KCNN2: variants seen among roughly 807,000 people sequenced by gnomAD.
KCNN2 encodes small conductance calcium-activated potassium channel protein 2.
KCNN2 carries 24 observed loss-of-function variants against 55.5 expected under a neutral mutation model. The observed-to-expected ratio is 0.43, with a 90% CI of 0.31 to 0.61. The LOEUF is 0.61. Among genes scored for constraint, KCNN2 ranks in the 20% least tolerant of loss-of-function variants. The probability of loss-of-function intolerance (pLI) is 0.08; values close to 1 mark genes in which losing one functional copy is unlikely to be tolerated. For synonymous variants in KCNN2, 431 were observed against 336.1 expected (o/e 1.28, Z -3.09); for missense variants, 754 against 853.6 (o/e 0.88, Z 1.45).
intron 2 of KCNN2, among the ~76,000 whole-genome samples, chr5:114,297,132 T>A (rs1756029048): frequency 6.6e-6 from 1 of 152,152 alleles, no homozygotes; most frequent in African/African-American, 2.4e-5. Context: ...CAGGTATTAA[T>A]TTTACTATTC....
At chr5:114,145,571 C>G (rs957909362) in intron 1 of KCNN2, among the ~76,000 whole-genome samples, 12 of 152,024 alleles carry the variant, frequency 7.9e-5, no homozygotes, top group Non-Finnish European at 1.5e-4. Context: ...TTAGTGGGTC[C>G]CAGGAACAAA....
chr5:114,134,924 T>C (rs1050475924), intron 1 of KCNN2, among the ~76,000 whole-genome samples: 1 of 152,216 alleles, frequency 6.6e-6, no homozygotes, highest in African/African-American at 2.4e-5. Flanking sequence ...AATTTAAAGA[T>C]TCTGTTTAAA....
intron 2 of KCNN2, among the ~76,000 whole-genome samples, chr5:114,257,928 TG>T (rs1384285964): frequency 6.6e-6 from 1 of 152,174 alleles, no homozygotes; most frequent in African/African-American, 2.4e-5. Context: ...CCAATTCTTA[TG>T]GGGAATGCTT....
rs140294715 is a variant in KCNN2, at chr5:114,324,443, G to A, written c.-184-36502G>A. Among the ~76,000 whole-genome samples, 18 of 152,234 alleles carry A rather than the reference G, an allele frequency of 1.2e-4. No homozygotes were observed. In the East Asian group the frequency reaches 3.3e-3, roughly 28 times the overall value. On this transcript the variant is annotated intron_variant, in intron 2 of 10. Transcript: ENST00000512097. ...AAAAGCAGATGTGACTATGGAAGAA[G>A]GGAAAAAATGATGTCATCTTGCAGG...
At chr5:114,480,974 A>C (rs1218791246) in intron 5 of KCNN2, among the ~76,000 whole-genome samples, 2 of 152,200 alleles carry the variant, frequency 1.3e-5, no homozygotes, top group Non-Finnish European at 2.9e-5. Flanking sequence ...GCCCTCTCTC[A>C]CCACTCCTAT....
intron 2 of KCNN2, among the ~76,000 whole-genome samples, chr5:114,280,461 T>G (rs1467151678): frequency 6.6e-6 from 1 of 152,214 alleles, no homozygotes; most frequent in Non-Finnish European, 1.5e-5. Flanking sequence ...TTAATCCATC[T>G]TGAATTAATT....
chr5:114,259,872 A>G (rs1027765273), intron 2 of KCNN2, among the ~76,000 whole-genome samples: 1 of 152,096 alleles, frequency 6.6e-6, no homozygotes, highest in African/African-American at 2.4e-5. Flanking sequence ...AGGCTATTCA[A>G]CTTATGATTA....
At chr5:114,456,769 A>C (rs970783195) in intron 3 of KCNN2, among the ~76,000 whole-genome samples, 1 of 152,236 alleles carries the variant, frequency 6.6e-6, no homozygotes, top group Non-Finnish European at 1.5e-5. Context: ...TTCAAATTTC[A>C]ACAGAAGAAG....
chr5:114,381,301 G>C (rs1758118347), intron 2 of KCNN2, among the ~76,000 whole-genome samples: 1 of 152,202 alleles, frequency 6.6e-6, no homozygotes, highest in African/African-American at 2.4e-5. Flanking sequence ...AGTACAGTCA[G>C]AGATCATTGG....
chr5:114,116,963 G>A (rs952031530), intron 1 of KCNN2, among the ~76,000 whole-genome samples: 1 of 152,218 alleles, frequency 6.6e-6, no homozygotes, highest in South Asian at 2.1e-4. Flanking sequence ...AGTCAGACAG[G>A]TCTTGTTTGA....
intron 5 of KCNN2, among the ~76,000 whole-genome samples, chr5:114,477,635 CA>C (rs769845643): frequency 3.3e-5 from 5 of 152,094 alleles, no homozygotes; most frequent in South Asian, 2.1e-4. Flanking sequence ...TATCACCTTA[CA>C]GGGGCAATAT....
intron 2 of KCNN2, among the ~76,000 whole-genome samples, chr5:114,322,590 C>A (rs1756633430): frequency 6.6e-6 from 1 of 151,784 alleles, no homozygotes; most frequent in African/African-American, 2.4e-5. Context: ...CACACACACA[C>A]ACACACACAC....
intron 2 of KCNN2, among the ~76,000 whole-genome samples, chr5:114,396,523 C>G (rs1216030032): frequency 1.3e-5 from 2 of 150,368 alleles, no homozygotes; most frequent in South Asian, 2.1e-4. Context: ...ATGTAATAAG[C>G]ATATAAGCAT....
chr5:114,156,764 T>C (rs1580567398), intron 1 of KCNN2, among the ~76,000 whole-genome samples: 1 of 152,218 alleles, frequency 6.6e-6, no homozygotes, highest in African/African-American at 2.4e-5. Flanking sequence ...TTTCTCTTTT[T>C]TTTCCTAAAT....
Position 114,496,274 on chromosome 5 carries a change from C to A in KCNN2, c.*92C>A. On this transcript the variant is annotated 3_prime_UTR_variant, in exon 8 of 8. Coordinates refer to ENST00000673685, the MANE Select transcript of KCNN2 (RefSeq NM_021614.4). Reference sequence around the variant, plus strand: ...GTAAAGCCCCTATGGTTCTAATCAGCGTTATCCGGGTTCTGATGTCAGAAT... The same window carrying A: ...GTAAAGCCCCTATGGTTCTAATCAGAGTTATCCGGGTTCTGATGTCAGAAT... 8 of 1,347,614 alleles carry A rather than the reference C, an allele frequency of 5.9e-6. No individual in the cohort carries two copies. The highest frequency in any genetic ancestry group is 8.1e-6 in the Non-Finnish European group (8 of 992,858). The allele number at this position is 1,347,614 out of a possible 1,614,324, so 83.5% of individuals were successfully genotyped here.
intron 2 of KCNN2, among the ~76,000 whole-genome samples, chr5:114,226,271 AT>A (rs1457999365): frequency 6.6e-6 from 1 of 152,184 alleles, no homozygotes; most frequent in Admixed American, 6.5e-5. Context: ...TTATATGAGC[AT>A]TTTTAGAATT....
chr5:114,482,135 G>T (rs182889288), intron 5 of KCNN2, among the ~76,000 whole-genome samples: 79 of 152,226 alleles, frequency 5.2e-4, no homozygotes, highest in African/African-American at 1.9e-3. Flanking sequence ...CTGTCCATCT[G>T]ACAAAGGTGT....
chr5:114,080,704 A>G (rs1232201831), intron 1 of KCNN2, among the ~76,000 whole-genome samples: 1 of 152,210 alleles, frequency 6.6e-6, no homozygotes, highest in African/African-American at 2.4e-5. Context: ...AAACCATATC[A>G]GAAAAACCAA....
At chr5:114,414,370 G>A (rs1263165045) in intron 3 of KCNN2, among the ~76,000 whole-genome samples, 1 of 152,122 alleles carries the variant, frequency 6.6e-6, no homozygotes, top group Non-Finnish European at 1.5e-5. Context: ...TCCCCAAGCT[G>A]GTGTCAGGTA....
Sources: allele counts gnomAD v4.1 joint callset (sites outside exome capture counted in the v4.1 genomes callset), GRCh38; gene constraint gnomAD v4.1.1; transcripts MANE v1.5; gene names NCBI Gene and HGNC (gene_info 2026-07-23, HGNC 2026-07-21).